RCAN1: variants seen among roughly 807,000 people sequenced by gnomAD.
RCAN1 encodes calcipressin-1.
Under a neutral mutation model 22.9 loss-of-function variants are expected in RCAN1, and 11 were observed. The observed-to-expected ratio is 0.48, with a 90% CI of 0.30 to 0.79. RCAN1 has a LOEUF of 0.79. Among genes scored for constraint, RCAN1 ranks in the 30% least tolerant of loss-of-function variants. RCAN1 has a pLI of 0.06. For missense variants in RCAN1, 291 were observed against 337.8 expected, an observed-to-expected ratio of 0.86 and a Z score of 1.09; for synonymous variants, 136 against 142.3, an observed-to-expected ratio of 0.96 and a Z score of 0.32.
chr21:34,573,902 T>A (rs1987320114), intron 1 of RCAN1, among the ~76,000 whole-genome samples: 1 of 152,218 alleles, frequency 6.6e-6, no homozygotes, highest in Non-Finnish European at 1.5e-5. Flanking sequence ...GTCAAAATTA[T>A]ACGTGTCATG....
intron 1 of RCAN1, among the ~76,000 whole-genome samples, chr21:34,540,152 C>T (rs1352491341): frequency 6.6e-6 from 1 of 152,192 alleles, no homozygotes. Context: ...TAATAAACTT[C>T]TCCCCATTAC....
chr21:34,566,932 C>T (rs1376257201), intron 1 of RCAN1, among the ~76,000 whole-genome samples: 1 of 152,126 alleles, frequency 6.6e-6, no homozygotes, highest in East Asian at 1.9e-4. Flanking sequence ...CAGCACCCAG[C>T]CGTTCATGAG....
In RCAN1 at chr21:34,614,363, CA is replaced by C; in HGVS notation, c.252+396del. ...ATGAACACTGAGTCACGTCGCCGCTCAATGTCTGTTTCCTCCTCCCTAGGAA... is the reference window on the plus strand; with the variant it reads ...ATGAACACTGAGTCACGTCGCCGCTCATGTCTGTTTCCTCCTCCCTAGGAA... On this transcript the variant is annotated intron_variant, in intron 1 of 3. Transcript: ENST00000313806. This position sits in a 1 kb window ranked among gnomAD's most constrained non-coding sequence, Gnocchi z 6.0. 1 of 991,764 alleles carries C rather than the reference CA, an allele frequency of 1.0e-6. No individual in the cohort carries two copies. The allele number at this position is 991,764 out of a possible 1,614,324, so 61.4% of individuals were successfully genotyped here. A position where few individuals can be genotyped will look rare whatever the true frequency, so the allele number is the denominator to read the frequency against.
chr21:34,541,151 C>T (rs534306733), intron 1 of RCAN1, among the ~76,000 whole-genome samples: 3 of 152,280 alleles, frequency 2.0e-5, no homozygotes, highest in African/African-American at 7.2e-5. Context: ...TATAAATGAT[C>T]TCTCTTGTGT....
At chr21:34,567,361 G>T (rs1457387875) in intron 1 of RCAN1, among the ~76,000 whole-genome samples, 1 of 151,998 alleles carries the variant, frequency 6.6e-6, no homozygotes, top group East Asian at 1.9e-4. Context: ...CCGAGCGTGG[G>T]GGGCACATGC....
At chr21:34,548,659 A>G (rs886322865) in intron 1 of RCAN1, among the ~76,000 whole-genome samples, 3 of 152,252 alleles carry the variant, frequency 2.0e-5, no homozygotes, top group Non-Finnish European at 2.9e-5. Flanking sequence ...TTGTGATAAC[A>G]TTGATATCCT....
chr21:34,587,113 A>C lies in RCAN1; in HGVS notation c.252+27647T>G, dbSNP rs144614467. Among the ~76,000 whole-genome samples the C allele has an allele frequency of 4.2e-3, 634 of 152,290 alleles. 4 individuals carry two copies. The highest frequency in any genetic ancestry group is 7.6e-3 in the Non-Finnish European group (519 of 68,020). The stretch of plus-strand genomic sequence containing the variant: ...GAAAAGAGCACAAATTGTCACTACC[A>C]GGATTGAAAAAGGAAACATAACTAC... On this transcript the variant is annotated intron_variant, in intron 1 of 3. Transcript: ENST00000313806.
intron 1 of RCAN1, among the ~76,000 whole-genome samples, chr21:34,569,213 A>G (rs369214640): frequency 6.6e-6 from 1 of 152,132 alleles, no homozygotes; most frequent in Non-Finnish European, 1.5e-5. Context: ...ATTTAGTCAC[A>G]CTATAGGTTG....
intron 1 of RCAN1, among the ~76,000 whole-genome samples, chr21:34,575,406 G>C (rs1987380653): frequency 6.6e-6 from 1 of 152,228 alleles, no homozygotes; most frequent in Non-Finnish European, 1.5e-5. Flanking sequence ...CACTATGGCT[G>C]AGACGGTCTT....
chr21:34,539,114 A>G (rs573504487), intron 1 of RCAN1, among the ~76,000 whole-genome samples: 1 of 152,218 alleles, frequency 6.6e-6, no homozygotes, highest in Admixed American at 6.5e-5. Flanking sequence ...TTCAGTATAA[A>G]CCGCATCAAC....
chr21:34,528,016 T>C (rs906608943), intron 1 of RCAN1, among the ~76,000 whole-genome samples: 1 of 152,170 alleles, frequency 6.6e-6, no homozygotes, highest in Admixed American at 6.5e-5. Flanking sequence ...TTCTAAGTAT[T>C]TTACCAGTTT....
intron 1 of RCAN1, among the ~76,000 whole-genome samples, chr21:34,611,502 T>TTC (rs1988687137): frequency 6.6e-6 from 1 of 152,120 alleles, no homozygotes; most frequent in Admixed American, 6.5e-5. Context: ...CTAGTTCAGG[T>TTC]TAATTTTTTT....
chr21:34,605,265 T>C (rs1021446120), intron 1 of RCAN1, among the ~76,000 whole-genome samples: 4 of 152,220 alleles, frequency 2.6e-5, no homozygotes, highest in African/African-American at 9.6e-5. Flanking sequence ...CTGCGCTGGA[T>C]GCTTCCTGCT....
chr21:34,570,551 T>C (rs1244926971), intron 1 of RCAN1, among the ~76,000 whole-genome samples: 2 of 152,180 alleles, frequency 1.3e-5, no homozygotes, highest in Admixed American at 6.5e-5. Context: ...TTTCCACATA[T>C]CCATGCTGAG....
In RCAN1 at chr21:34,529,945, A is replaced by C. The variant is rs569401478; in HGVS notation, c.253-6235T>G. 7.9e-5 allele frequency among the ~76,000 whole-genome samples: 12 copies of C among 152,212 alleles called. No individual in the cohort carries two copies. In the East Asian group the frequency reaches 1.2e-3, roughly 15 times the overall value. On this transcript the variant is annotated intron_variant, in intron 1 of 3. Transcript: ENST00000313806. ...CAGGGGTTTTCACTTTTGCTTTCTC[A>C]TCATTTTCCCTTGCTGCCGCCATGT...
chr21:34,594,135 A>G lies in RCAN1; in HGVS notation c.252+20625T>C, dbSNP rs188382725. ...ATCTGCGTAAAATAAACAATCTGAG[A>G]GCTGAATGGGCAAAGGATATGAACA... is the stretch of plus-strand genomic sequence containing the variant. On this transcript the variant is annotated intron_variant, in intron 1 of 3. Coordinates refer to ENST00000313806, the MANE Select transcript of RCAN1 (RefSeq NM_004414.7). Among the ~76,000 whole-genome samples, 571 of 152,322 alleles carry G rather than the reference A, an allele frequency of 3.7e-3. 1 individual carries two copies. Among genetic ancestry groups the G allele is most frequent in the African/African-American group, 0.013 (545 of 41,560 alleles).
intron 2 of RCAN1, chr21:34,523,235 T>C: frequency 3.2e-6 from 1 of 313,340 alleles, no homozygotes; most frequent in Non-Finnish European, 6.0e-6. Context: ...CTTAGGGTGT[T>C]TGCATAGCCA....
chr21:34,564,718 T>C (rs1986940501), intron 1 of RCAN1, among the ~76,000 whole-genome samples: 1 of 152,198 alleles, frequency 6.6e-6, no homozygotes, highest in South Asian at 2.1e-4. Context: ...AAAAGCCTCA[T>C]AACTATAAAT....
At chr21:34,600,651 T>C (rs1027777575) in intron 1 of RCAN1, among the ~76,000 whole-genome samples, 3 of 152,218 alleles carry the variant, frequency 2.0e-5, no homozygotes, top group African/African-American at 7.2e-5. Context: ...TCAATAATAA[T>C]GATTTTTATG....
Sources: gnomAD v4.1 joint callset for allele counts (sites outside exome capture counted in the v4.1 genomes callset) on GRCh38, gnomAD v4.1.1 for gene constraint, Gnocchi (gnomAD v3.1) non-coding constraint, MANE v1.5 for transcripts, NCBI Gene and HGNC (gene_info 2026-07-23, HGNC 2026-07-21) for gene names.